BANK1: variants seen among roughly 807,000 people sequenced by gnomAD.
The protein encoded by BANK1 is B cell scaffold protein with ankyrin repeats 1.
Under a neutral mutation model 94.5 loss-of-function variants are expected in BANK1, and 95 were observed. The observed-to-expected ratio is 1.00, with a 90% CI of 0.85 to 1.19. The LOEUF (loss-of-function observed/expected upper bound fraction) is 1.19, where lower values mean the gene tolerates loss of function less well. Ranked by LOEUF, BANK1 falls within the 50% of genes most tolerant of loss-of-function variation. The probability of loss-of-function intolerance (pLI) is 0.00; values close to 1 mark genes in which losing one functional copy is unlikely to be tolerated. For missense variants in BANK1, 987 were observed against 932.2 expected, an observed-to-expected ratio of 1.06 and a Z score of -0.77; for synonymous variants, 334 against 308.4, an observed-to-expected ratio of 1.08 and a Z score of -0.87.
intron 13 of BANK1, among the ~76,000 whole-genome samples, chr4:102,069,080 A>T (rs766584576): frequency 3.0e-4 from 45 of 152,196 alleles, no homozygotes; most frequent in Admixed American, 1.0e-3. Flanking sequence ...AGCAAAAAAA[A>T]TGTATTATGG....
intron 7 of BANK1, among the ~76,000 whole-genome samples, chr4:102,015,901 ACTT>A (rs1278392469): frequency 2.6e-5 from 4 of 152,034 alleles, no homozygotes; most frequent in Non-Finnish European, 5.9e-5. Flanking sequence ...GCTACTTTCC[ACTT>A]CTTAAGAAAC....
intron 7 of BANK1, among the ~76,000 whole-genome samples, chr4:101,961,728 C>T (rs1286652132): frequency 3.3e-5 from 5 of 152,110 alleles, no homozygotes; most frequent in Admixed American, 3.3e-4. Context: ...TATCTCATAT[C>T]ATTTATGTTC....
At position 101,790,972 on chromosome 4, in the gene BANK1, G is replaced by C. The variant is rs370535715; in HGVS notation, c.70+22G>C. ...CCAGGTGGGTAGTCGCGCATTCGGA[G>C]GGGCTTGACGCCGAGGCCGGGCTAC... On this transcript the variant is annotated intron_variant, in intron 1 of 16. Coordinates refer to ENST00000322953, the MANE Select transcript of BANK1 (RefSeq NM_017935.5). 1,609 of 1,481,686 alleles carry C rather than the reference G, an allele frequency of 1.1e-3. 1 individual carries two copies. The highest frequency in any genetic ancestry group is 1.2e-3 in the Non-Finnish European group (1,393 of 1,121,676). The allele number at this position is 1,481,686 out of a possible 1,614,324, so 91.8% of individuals were successfully genotyped here.
intron 7 of BANK1, among the ~76,000 whole-genome samples, chr4:101,946,208 G>A (rs932487478): frequency 6.6e-6 from 1 of 151,900 alleles, no homozygotes; most frequent in Non-Finnish European, 1.5e-5. Context: ...AAGAAATGAA[G>A]TTTTATAATG....
chr4:101,965,083 A>G (rs1301824352), intron 7 of BANK1, among the ~76,000 whole-genome samples: 2 of 151,520 alleles, frequency 1.3e-5, no homozygotes, highest in Non-Finnish European at 2.9e-5. Context: ...TGTCCCTACA[A>G]AGGACATGAA....
At chr4:101,912,149 T>G (rs1722684563) in intron 6 of BANK1, among the ~76,000 whole-genome samples, 1 of 152,140 alleles carries the variant, frequency 6.6e-6, no homozygotes, top group African/African-American at 2.4e-5. Flanking sequence ...CTTTTGCAGT[T>G]GTTATGTAGT....
intron 1 of BANK1, among the ~76,000 whole-genome samples, chr4:101,804,026 GAAA>G: frequency 2.3e-5 from 2 of 86,366 alleles, no homozygotes; most frequent in African/African-American, 9.0e-5. Context: ...AAAAAAAAAA[GAAA>G]TATATAAAAA....
chr4:101,998,032 C>A (rs978401955), intron 7 of BANK1, among the ~76,000 whole-genome samples: 1 of 152,100 alleles, frequency 6.6e-6, no homozygotes, highest in Non-Finnish European at 1.5e-5. Context: ...TAGATCTTTC[C>A]CACTTTCTCC....
At chr4:102,055,128 G>A (rs1319227217) in intron 11 of BANK1, among the ~76,000 whole-genome samples, 1 of 151,854 alleles carries the variant, frequency 6.6e-6, no homozygotes. Flanking sequence ...TAATGACCAA[G>A]GAATGTTTGT....
At chr4:102,050,042 T>A (rs942067473) in intron 11 of BANK1, among the ~76,000 whole-genome samples, 14 of 152,232 alleles carry the variant, frequency 9.2e-5, no homozygotes, top group Admixed American at 6.5e-4. Context: ...ACCATACCAA[T>A]GTTTAAAACC....
In BANK1 at chr4:102,073,728, C is replaced by A. The variant is rs748391493; in HGVS notation, c.2343C>A (p.Cys781Ter). 1 of 1,610,346 alleles carries A rather than the reference C, an allele frequency of 6.2e-7. No individual in the cohort carries two copies. The change falls in exon 16 of 17, where the codon TGC becomes TGA. Residue 781 changes from cysteine (C) to a stop codon, truncating the protein, a stop_gained. Coordinates refer to ENST00000322953, the MANE Select transcript of BANK1 (RefSeq NM_017935.5). LOFTEE classifies it high-confidence loss of function. Reference protein sequence around the residue: ...PQVEKEFGFCCKKDH With the variant: ...PQVEKEFGFC ...TTGAAAAGGAATTTGGTTTCTGTTGCAAGAAAGATCATTAAAGAAGGTAAA... is the reference window on the plus strand; with the variant it reads ...TTGAAAAGGAATTTGGTTTCTGTTGAAAGAAAGATCATTAAAGAAGGTAAA...
At chr4:101,813,606 G>A (rs1257900788) in intron 1 of BANK1, among the ~76,000 whole-genome samples, 1 of 152,130 alleles carries the variant, frequency 6.6e-6, no homozygotes, top group Non-Finnish European at 1.5e-5. Flanking sequence ...GTCCTTGACC[G>A]CATTATGTAA....
At chr4:102,042,701 T>G (rs1464934176) in intron 10 of BANK1, among the ~76,000 whole-genome samples, 1 of 152,050 alleles carries the variant, frequency 6.6e-6, no homozygotes, top group Non-Finnish European at 1.5e-5. Flanking sequence ...ACCATCCAGT[T>G]AAAACACGTT....
chr4:101,822,744 T>C (rs1228866103), intron 1 of BANK1, among the ~76,000 whole-genome samples: 2 of 151,760 alleles, frequency 1.3e-5, no homozygotes, highest in African/African-American at 4.8e-5. Context: ...GCCTCCCGAG[T>C]AGCTGGGACT....
intron 5 of BANK1, among the ~76,000 whole-genome samples, chr4:101,894,176 G>A (rs1721978843): frequency 6.6e-6 from 1 of 151,894 alleles, no homozygotes; most frequent in African/African-American, 2.4e-5. Context: ...TTGCCCATAT[G>A]TGATTACATT....
At chr4:102,068,089 G>T (rs1225890471) in intron 13 of BANK1, among the ~76,000 whole-genome samples, 1 of 151,938 alleles carries the variant, frequency 6.6e-6, no homozygotes, top group African/African-American at 2.4e-5. Flanking sequence ...TAACATGAGG[G>T]TCAAATAAGA....
intron 7 of BANK1, among the ~76,000 whole-genome samples, chr4:102,001,851 G>A (rs987775267): frequency 6.6e-6 from 1 of 152,186 alleles, no homozygotes; most frequent in African/African-American, 2.4e-5. Context: ...GTGATAGGGT[G>A]CCACAGGCTG....
At chr4:102,036,397 A>G (rs1397247231) in intron 10 of BANK1, among the ~76,000 whole-genome samples, 1 of 152,234 alleles carries the variant, frequency 6.6e-6, no homozygotes, top group Admixed American at 6.5e-5. Context: ...TATCATTGTA[A>G]ACGTGACAGA....
chr4:101,794,828 T>C (rs548903334), intron 1 of BANK1, among the ~76,000 whole-genome samples: 23 of 39,926 alleles, frequency 5.8e-4, no homozygotes, highest in African/African-American at 4.6e-3. Context: ...TGAAGAGTAA[T>C]TAATCAATGC....
Sources: allele counts gnomAD v4.1 joint callset (sites outside exome capture counted in the v4.1 genomes callset), GRCh38; gene constraint gnomAD v4.1.1; transcripts MANE v1.5; gene names NCBI Gene and HGNC (gene_info 2026-07-23, HGNC 2026-07-21).